Variants in RIMS2 observed in about 807,000 individuals in gnomAD.
RIMS2 encodes the protein regulating synaptic membrane exocytosis protein 2.
In RIMS2, 59 loss-of-function variants were observed where a neutral mutation model predicts 174.4. The ratio of observed to expected loss-of-function variants is 0.34; its 90% CI spans 0.27 to 0.42. The LOEUF is 0.42. Among genes scored for constraint, RIMS2 ranks in the 10% least tolerant of loss-of-function variants. The pLI is 1.00. For synonymous variants in RIMS2, 606 were observed against 572.5 expected, an observed-to-expected ratio of 1.06 and a Z score of -0.84; for missense variants, 1,620 against 1,666.3, an observed-to-expected ratio of 0.97 and a Z score of 0.48.
chr8:103,505,632 G>C (rs1390799153), intron 1 of RIMS2, among the ~76,000 whole-genome samples: 1 of 152,050 alleles, frequency 6.6e-6, no homozygotes, highest in Non-Finnish European at 1.5e-5. Flanking sequence ...TAGAAACAAA[G>C]TTGTTGGGCC....
chr8:103,636,781 C>A (rs1412662052), intron 1 of RIMS2, among the ~76,000 whole-genome samples: 4 of 51,184 alleles, frequency 7.8e-5, no homozygotes, highest in Non-Finnish European at 1.0e-4. Context: ...CTATAACCCA[C>A]CCCCGCACCC....
chr8:103,989,376 A>G, exon 17 of RIMS2: 1 of 1,612,812 alleles, frequency 6.2e-7, no homozygotes, highest in South Asian at 1.1e-5. Context: ...AGCCGAATGG[A>G]CAGACATCGT....
In RIMS2 at chr8:103,845,257, C is replaced by A. The variant is rs190399983; in HGVS notation, c.699-40041C>A. 2.0e-5 allele frequency among the ~76,000 whole-genome samples: 3 copies of A among 152,060 alleles called. No individual in the cohort carries two copies. In the East Asian group the frequency reaches 5.8e-4, roughly 29 times the overall value. On this transcript the variant is annotated intron_variant, in intron 3 of 23. Transcript: ENST00000504942. ...TTTTATATCACTTTGTACCATACTC[C>A]TTTTTTATGGGCATGCTTGATTTCT...
At chr8:103,882,900 A>G (rs941450307) in intron 3 of RIMS2, among the ~76,000 whole-genome samples, 3 of 151,640 alleles carry the variant, frequency 2.0e-5, no homozygotes, top group African/African-American at 7.2e-5. Context: ...ATTCATGTTA[A>G]TTCCTTAAGA....
intron 1 of RIMS2, among the ~76,000 whole-genome samples, chr8:103,580,505 A>G (rs138225297): frequency 3.3e-5 from 5 of 152,080 alleles, no homozygotes; most frequent in African/African-American, 1.2e-4. Context: ...ACAAGATGAC[A>G]TAACAATTAT....
chr8:103,828,312 C>T (rs1397388665), intron 3 of RIMS2, among the ~76,000 whole-genome samples: 5 of 152,074 alleles, frequency 3.3e-5, no homozygotes, highest in Admixed American at 6.6e-5. Flanking sequence ...CAGAACCATC[C>T]GGACTTAAAG....
chr8:104,089,708 G>T (rs1489656694), intron 19 of RIMS2, among the ~76,000 whole-genome samples: 1 of 151,728 alleles, frequency 6.6e-6, no homozygotes, highest in Non-Finnish European at 1.5e-5. Context: ...CATTAAACTG[G>T]AGCCTTTAGC....
intron 1 of RIMS2, among the ~76,000 whole-genome samples, chr8:103,585,649 A>G (rs1348619073): frequency 6.6e-6 from 1 of 151,860 alleles, no homozygotes; most frequent in African/African-American, 2.4e-5. Context: ...ACCAAACACC[A>G]CATGTTCTCA....
At chr8:104,035,957 T>C (rs2154556917) in intron 19 of RIMS2, among the ~76,000 whole-genome samples, 1 of 152,184 alleles carries the variant, frequency 6.6e-6, no homozygotes, top group African/African-American at 2.4e-5. Context: ...AATAACACAT[T>C]CTTTCATTGT....
rs372286226 is a variant in RIMS2 at position 103,623,554 on chromosome 8, G to A, written c.177-73532G>A. Among the ~76,000 whole-genome samples the A allele has an allele frequency of 4.8e-3, 600 of 124,858 alleles. 1 individual carries two copies. The highest frequency in any genetic ancestry group is 0.018 in the African/African-American group (570 of 31,980). 81.9% of individuals were successfully genotyped at this position (124,858 alleles called of 152,430 possible). A position where few individuals can be genotyped will look rare whatever the true frequency, so the allele number is the denominator to read the frequency against. On this transcript the variant is annotated intron_variant, in intron 1 of 23. Coordinates refer to ENST00000504942, the Ensembl canonical transcript of RIMS2. ...GGCTGGAGTGCAGTGGCGCGATCTC[G>A]GCTCACTGCAAGCTCCGCCTCCCGG...
Position 103,838,598 on chromosome 8 carries a change from A to G in RIMS2, c.699-46700A>G, listed in dbSNP as rs548255837. Among the ~76,000 whole-genome samples the G allele has an allele frequency of 2.0e-5, 3 of 152,332 alleles. No individual in the cohort carries two copies. In the South Asian group the frequency reaches 6.2e-4, roughly 32 times the overall value. On this transcript the variant is annotated intron_variant, in intron 3 of 23. Transcript: ENST00000504942. Reference sequence around the variant, plus strand: ...CAATCTCAACATCTCTCACTCTATTATCTAATAACGTCAGAGTGTCTACCA... The same window carrying G: ...CAATCTCAACATCTCTCACTCTATTGTCTAATAACGTCAGAGTGTCTACCA...
chr8:103,599,527 C>T (rs1255943735), intron 1 of RIMS2, among the ~76,000 whole-genome samples: 1 of 151,448 alleles, frequency 6.6e-6, no homozygotes, highest in Admixed American at 6.6e-5. Flanking sequence ...CAACCCTCAC[C>T]TCCTGGGCTC....
chr8:103,743,151 C>A (rs2097776676), intron 2 of RIMS2, among the ~76,000 whole-genome samples: 1 of 152,162 alleles, frequency 6.6e-6, no homozygotes, highest in Admixed American at 6.5e-5. Flanking sequence ...AAACTCTGCA[C>A]CTTTAATAAG....
intron 3 of RIMS2, among the ~76,000 whole-genome samples, chr8:103,854,492 G>C (rs1444374934): frequency 2.0e-5 from 3 of 151,508 alleles, no homozygotes; most frequent in African/African-American, 7.3e-5. Flanking sequence ...CTGGCTGTGG[G>C]TTTGTCATAG....
At chr8:103,649,100 G>A (rs1041137626) in intron 1 of RIMS2, among the ~76,000 whole-genome samples, 2 of 152,094 alleles carry the variant, frequency 1.3e-5, no homozygotes, top group African/African-American at 4.8e-5. Flanking sequence ...TCCATATTTA[G>A]TGCTTTGTTC....
In RIMS2 at chr8:103,800,799, G is replaced by A. The variant is rs116851141; in HGVS notation, c.698+34262G>A. Among the ~76,000 whole-genome samples the A allele has an allele frequency of 3.5e-3, 535 of 152,062 alleles. 2 individuals are homozygous for A. The highest frequency in any genetic ancestry group is 5.7e-3 in the Non-Finnish European group (386 of 67,976). On this transcript the variant is annotated intron_variant, in intron 3 of 23. Transcript: ENST00000504942. ...GAGTTGTATGTAGTTTCCTTTCCTT[G>A]TAACATCATTGATTTAATCAGGGAA...
intron 2 of RIMS2, among the ~76,000 whole-genome samples, chr8:103,708,631 A>G (rs374434581): frequency 6.6e-6 from 1 of 152,122 alleles, no homozygotes; most frequent in African/African-American, 2.4e-5. Context: ...CAATATTTTA[A>G]ATGTACTGCT....
At chr8:103,607,380 C>G (rs1216994659) in intron 1 of RIMS2, among the ~76,000 whole-genome samples, 1 of 152,006 alleles carries the variant, frequency 6.6e-6, no homozygotes, top group African/African-American at 2.4e-5. Context: ...CGCTGTTAGT[C>G]TGATGGGCTT....
chr8:103,777,608 G>C (rs2098332448), intron 3 of RIMS2, among the ~76,000 whole-genome samples: 1 of 151,940 alleles, frequency 6.6e-6, no homozygotes, highest in Non-Finnish European at 1.5e-5. Flanking sequence ...TGAAAATACA[G>C]TTGAGGTCTA....
Sources: gnomAD v4.1 joint callset for allele counts (sites outside exome capture counted in the v4.1 genomes callset) on GRCh38, gnomAD v4.1.1 for gene constraint, MANE v1.5 for transcripts, NCBI Gene and HGNC (gene_info 2026-07-23, HGNC 2026-07-21) for gene names.